LRRC66: variants seen among roughly 807,000 people sequenced by gnomAD.
LRRC66 encodes the protein leucine rich repeat containing 66, also known as leucine-rich repeat-containing protein 66.
LRRC66 carries 29 observed loss-of-function variants against 24.6 expected under a neutral mutation model. That is an observed-to-expected ratio of 1.18 (90% confidence interval 0.88 to 1.61). The LOEUF (loss-of-function observed/expected upper bound fraction) is 1.61, where lower values mean the gene tolerates loss of function less well. LRRC66 is among the 40% of genes most tolerant of loss of function. LRRC66 has a pLI of 0.00. For synonymous variants in LRRC66, 411 were observed against 397.6 expected (o/e 1.03, Z -0.40); for missense variants, 1,124 against 1,058.0 (o/e 1.06, Z -0.87).
At chr4:52,018,040 T>C in intron 1 of LRRC66, 1 of 984,936 alleles carries the variant, frequency 1.0e-6, no homozygotes, top group Non-Finnish European at 1.2e-6. Flanking sequence ...CCATGTAGTT[T>C]ATTACATAAA....
intron 2 of LRRC66, among the ~76,000 whole-genome samples, chr4:52,016,906 T>C (rs779377412): frequency 2.0e-5 from 3 of 152,202 alleles, no homozygotes; most frequent in Non-Finnish European, 4.4e-5. Context: ...AACATTAATG[T>C]CAGATATACT....
chr4:51,994,561 T>C lies in LRRC66; in HGVS notation c.2461A>G (p.Met821Val), dbSNP rs1291618921. 2.5e-6 allele frequency: 4 copies of C among 1,614,040 alleles called. No homozygotes were observed. The highest frequency in any genetic ancestry group is 2.2e-5 in the East Asian group (1 of 44,884). Reference sequence around the variant, plus strand: ...GCTGTGTCATAATCATAAGTGAACATGCCCGGAAACTCATCCCCTAAGGGA... The same window carrying C: ...GCTGTGTCATAATCATAAGTGAACACGCCCGGAAACTCATCCCCTAAGGGA... The part of the protein sequence containing the change: ...NSPLGDEFPG[M>V]FTYDYDTALQ... The change falls in exon 5 of 5, where the codon ATG (methionine) becomes GTG (valine). Residue 821 changes from methionine to valine, a missense_variant. Transcript: ENST00000682860.
At position 51,996,167 on chromosome 4, in the gene LRRC66, T is replaced by C; in HGVS notation, c.857-2A>G. On this transcript the variant is annotated splice_acceptor_variant, in intron 4 of 4. Transcript: ENST00000682860. LOFTEE classifies it high-confidence loss of function. ...TGCCCCCGTTGGCCTCCTCACTCCC[T>C]GCAAGTGGGATTAAAAAAATACACA... The C allele has an allele frequency of 6.4e-7, 1 of 1,570,082 alleles. No individual in the cohort carries two copies. Among genetic ancestry groups the C allele is most frequent in the Non-Finnish European group, 8.6e-7 (1 of 1,159,322 alleles).
chr4:52,000,030 T>C (rs1041828650), intron 3 of LRRC66, among the ~76,000 whole-genome samples: 1 of 152,180 alleles, frequency 6.6e-6, no homozygotes, highest in Non-Finnish European at 1.5e-5. Context: ...AGTATCAAAT[T>C]CATTGCCCAG....
At chr4:52,008,482 A>G (rs1736631675) in intron 2 of LRRC66, among the ~76,000 whole-genome samples, 2 of 152,046 alleles carry the variant, frequency 1.3e-5, no homozygotes, top group South Asian at 4.1e-4. Flanking sequence ...AAAAGAAGAA[A>G]TTATAAAGGA....
chr4:51,994,400 T>G lies in LRRC66; in HGVS notation c.2622A>C (p.Arg874Ser). The change falls in exon 5 of 5, where the codon AGA (arginine) becomes AGC (serine). Residue 874 changes from arginine to serine, a missense_variant. Transcript: ENST00000682860. ...SDPDKAAFHE[R>S]DSDILK Reference sequence around the variant, plus strand: ...ATTCTTATTTTAAAATGTCTGAGTCTCTTTCATGGAAGGCAGCCTTATCAG... The same window carrying G: ...ATTCTTATTTTAAAATGTCTGAGTCGCTTTCATGGAAGGCAGCCTTATCAG... The G allele has an allele frequency of 6.2e-7, 1 of 1,611,194 alleles. No homozygotes were observed. Among genetic ancestry groups the G allele is most frequent in the Non-Finnish European group, 8.5e-7 (1 of 1,179,038 alleles).
In LRRC66 at chr4:51,995,134, T is replaced by C. The variant is rs748130107; in HGVS notation, c.1888A>G (p.Ile630Val). The C allele has an allele frequency of 1.9e-6, 3 of 1,614,244 alleles. No individual in the cohort carries two copies. Among genetic ancestry groups the C allele is most frequent in the Admixed American group, 1.7e-5 (1 of 60,030 alleles). Reference protein sequence around the residue: ...FSKERQVSSSIDLLSIQQPRL... With the variant: ...FSKERQVSSSVDLLSIQQPRL... ...GGCTGCTGTATGCTCAGCAAATCAATGGATGAACTCACTTGCCTTTCCTTA... is the reference window on the plus strand; with the variant it reads ...GGCTGCTGTATGCTCAGCAAATCAACGGATGAACTCACTTGCCTTTCCTTA... The change falls in exon 5 of 5, where the codon ATT becomes GTT. Residue 630 changes from isoleucine to valine, a missense_variant. By Grantham distance (29) the Ile-to-Val change is conservative. Transcript: ENST00000682860.
intron 4 of LRRC66, 143 bp from the exon 5 acceptor site, chr4:51,996,308 A>G (rs779940832): frequency 1.4e-6 from 1 of 737,380 alleles, no homozygotes; most frequent in South Asian, 2.0e-5. Context: ...GCGCAGTGGC[A>G]CAATCATAAC....
rs1057016353 is a variant in LRRC66, at chr4:51,995,731, C to T, written c.1291G>A (p.Ala431Thr). The T allele has an allele frequency of 1.9e-6, 3 of 1,614,138 alleles. No homozygotes were observed. Among genetic ancestry groups the T allele is most frequent in the Non-Finnish European group, 2.5e-6 (3 of 1,180,024 alleles). The change falls in exon 5 of 5, where the codon GCT becomes ACT. Residue 431 changes from alanine (A) to threonine (T), a missense_variant. Coordinates refer to ENST00000682860, the MANE Select transcript of LRRC66 (RefSeq NM_001024611.3). ...SNEGFYDDME[A>T]AGHTPHPETH... is the part of the protein sequence containing the mutation. Reference sequence around the variant, plus strand: ...TCTGGGTGTGGTGTGTGCCCCGCAGCTTCCATGTCATCGTAGAAGCCCTCG... The same window carrying T: ...TCTGGGTGTGGTGTGTGCCCCGCAGTTTCCATGTCATCGTAGAAGCCCTCG...
At chr4:51,998,727 C>T (rs1187784118) in intron 3 of LRRC66, among the ~76,000 whole-genome samples, 1 of 152,172 alleles carries the variant, frequency 6.6e-6, no homozygotes, top group East Asian at 1.9e-4. Flanking sequence ...AAGTGTCGGA[C>T]ACGACAGGAG....
Position 52,017,152 on chromosome 4 carries a change from A to G in LRRC66, c.462T>C (p.Ile154=), listed in dbSNP as rs1419136829. 6.2e-7 allele frequency: 1 copy of G among 1,613,778 alleles called. No individual in the cohort carries two copies. Among genetic ancestry groups the G allele is most frequent in the Non-Finnish European group, 8.5e-7 (1 of 1,179,940 alleles). The change falls in exon 2 of 5, where the codon ATT becomes ATC. Residue 154 remains isoleucine (I), a synonymous_variant. Coordinates refer to ENST00000682860, the MANE Select transcript of LRRC66 (RefSeq NM_001024611.3). ...RNRFPLLKVL[I]LQRNKLSDTP... is the part of the protein sequence containing the mutation. ...TGTCACTGAGTTTATTTCTTTGAAG[A>G]ATGAGCACCTTCAGCAATGGAAACC...
intron 2 of LRRC66, among the ~76,000 whole-genome samples, chr4:52,013,754 A>G (rs1736750060): frequency 6.6e-6 from 1 of 152,310 alleles, no homozygotes; most frequent in East Asian, 1.9e-4. Flanking sequence ...CCTGAGTGAA[A>G]GCAACTTTTC....
At chr4:52,018,457 T>C (rs1560563823) in intron 1 of LRRC66, 1 of 985,392 alleles carries the variant, frequency 1.0e-6, no homozygotes, top group Non-Finnish European at 1.2e-6. Context: ...AATCACATTA[T>C]TGAGTATATG....
At chr4:52,003,513 G>A (rs922346702) in intron 2 of LRRC66, 121 bp from the exon 3 acceptor site, 14 of 743,212 alleles carry the variant, frequency 1.9e-5, no homozygotes, top group African/African-American at 1.1e-4. Context: ...GTTAAACAAC[G>A]TATGGTATAT....
intron 2 of LRRC66, among the ~76,000 whole-genome samples, chr4:52,012,038 T>A (rs1313666981): frequency 6.6e-6 from 1 of 151,834 alleles, no homozygotes; most frequent in Admixed American, 6.6e-5. Flanking sequence ...TACAAAAAAA[T>A]TAGCTGGGTG....
intron 2 of LRRC66, among the ~76,000 whole-genome samples, chr4:52,014,677 T>C (rs1312772539): frequency 6.6e-6 from 1 of 152,166 alleles, no homozygotes; most frequent in Admixed American, 6.5e-5. Context: ...AATCATAAAA[T>C]AGGAAAAATT....
At chr4:52,015,752 C>T (rs1303590781) in intron 2 of LRRC66, among the ~76,000 whole-genome samples, 1 of 152,022 alleles carries the variant, frequency 6.6e-6, no homozygotes, top group Non-Finnish European at 1.5e-5. Flanking sequence ...CTGGAAATAA[C>T]CTAGTGCTTG....
chr4:51,995,604 C>A lies in LRRC66; in HGVS notation c.1418G>T (p.Arg473Ile). The A allele has an allele frequency of 1.2e-6, 2 of 1,614,088 alleles. No homozygotes were observed. The highest frequency in any genetic ancestry group is 1.7e-6 in the Non-Finnish European group (2 of 1,180,014). Residue 473 changes from arginine (R) to isoleucine (I), a missense_variant, in exon 5 of 5, where the codon AGA becomes ATA. Transcript: ENST00000682860. ...PHPHATVIPD[R>I]TLGRSRKDPG... ...ATCCTTTCTGCTCCTTCCCAGAGTT[C>A]TATCAGGAATTACGGTGGCGTGTGG...
At chr4:51,998,175 T>G (rs891946071) in intron 3 of LRRC66, among the ~76,000 whole-genome samples, 3 of 152,220 alleles carry the variant, frequency 2.0e-5, no homozygotes, top group African/African-American at 7.2e-5. Context: ...CTGGAAGCAT[T>G]AACTGTATGT....
Sources: gnomAD v4.1 joint callset for allele counts (sites outside exome capture counted in the v4.1 genomes callset) on GRCh38, gnomAD v4.1.1 for gene constraint, MANE v1.5 for transcripts, NCBI Gene and HGNC (gene_info 2026-07-23, HGNC 2026-07-21) for gene names.